Variants in FAT3 observed in about 807,000 individuals in gnomAD.
The protein encoded by FAT3 is FAT atypical cadherin 3, also known as protocadherin Fat 3.
A neutral mutation model predicts 310.2 loss-of-function variants in FAT3; 95 were observed. That is an observed-to-expected ratio of 0.31 (90% CI 0.26 to 0.36). The LOEUF (loss-of-function observed/expected upper bound fraction) is 0.36. FAT3 is among the 10% of genes least tolerant of loss of function. The pLI, the probability that FAT3 is intolerant of heterozygous loss-of-function variation, is 1.00. For missense variants in FAT3, 5,408 were observed against 5,715.6 expected (o/e 0.95, Z 1.74); for synonymous variants, 2,314 against 2,192.9 (o/e 1.06, Z -1.54).
rs1268723647 is a variant in FAT3, at chr11:92,764,819, C to G, written c.3985-60C>G. The G allele has an allele frequency of 2.6e-6, 4 of 1,513,208 alleles. No homozygotes were observed. In the East Asian group the frequency reaches 6.9e-5, roughly 26 times the overall value. 93.7% of individuals were successfully genotyped at this position (1,513,208 alleles called of 1,614,324 possible). A position where few individuals can be genotyped will look rare whatever the true frequency, so the allele number is the denominator to read the frequency against. Reference sequence around the variant, plus strand: ...TGGCCCAGCAACATGAGTGACAGATCCAAACTCTACAACAATCAGAGGTCT... The same window carrying G: ...TGGCCCAGCAACATGAGTGACAGATGCAAACTCTACAACAATCAGAGGTCT... On this transcript the variant is annotated intron_variant, in intron 5 of 27. Coordinates refer to ENST00000525166, the MANE Select transcript of FAT3 (RefSeq NM_001367949.2).
chr11:92,798,948 G>A lies in FAT3; in HGVS notation c.5935G>A (p.Gly1979Ser), dbSNP rs778886701. The A allele has an allele frequency of 1.2e-4, 194 of 1,613,750 alleles. No individual in the cohort carries two copies. The highest frequency in any genetic ancestry group is 2.5e-4 in the South Asian group (23 of 91,078). The stretch of plus-strand genomic sequence containing the variant: ...CATGGTTAAAGAAGCCATGGACAGC[G>A]GCCTCCACTTTACACAAAGCTTCTA... ...TIMVKEAMDS[G>S]LHFTQSFYST... The change falls in exon 10 of 28, where the codon GGC (glycine) becomes AGC (serine). Residue 1979 changes from glycine to serine, a missense_variant. Physicochemically the swap from Gly to Ser is moderately conservative, Grantham distance 56 (BLOSUM62 0). Transcript: ENST00000525166.
intron 6 of FAT3, among the ~76,000 whole-genome samples, chr11:92,768,984 C>T (rs1946390986): frequency 6.6e-6 from 1 of 152,186 alleles, no homozygotes; most frequent in Non-Finnish European, 1.5e-5. Context: ...AGTGTTTCAG[C>T]ATGCTTTTCC....
intron 1 of FAT3, among the ~76,000 whole-genome samples, chr11:92,263,337 C>T (rs895021236): frequency 2.0e-5 from 3 of 152,012 alleles, no homozygotes; most frequent in African/African-American, 7.2e-5. Flanking sequence ...CACACACACA[C>T]ACCACACACA....
chr11:92,300,885 A>G (rs1946982529), intron 1 of FAT3, among the ~76,000 whole-genome samples: 1 of 152,108 alleles, frequency 6.6e-6, no homozygotes, highest in African/African-American at 2.4e-5. Context: ...GAGCTCTTCA[A>G]AGTTTTTCAT....
intron 4 of FAT3, among the ~76,000 whole-genome samples, chr11:92,735,591 T>C (rs1042607839): frequency 3.4e-5 from 5 of 148,456 alleles, no homozygotes; most frequent in African/African-American, 1.2e-4. Context: ...GATAGATAGA[T>C]AGATAGATAG....
At chr11:92,605,809 C>A (rs1294954973) in intron 3 of FAT3, among the ~76,000 whole-genome samples, 1 of 134,946 alleles carries the variant, frequency 7.4e-6, no homozygotes, top group Admixed American at 8.4e-5. Flanking sequence ...AGAGACTGGT[C>A]TGCTGCCAAA....
chr11:92,611,313 G>A (rs534251883), intron 3 of FAT3, among the ~76,000 whole-genome samples: 10 of 152,140 alleles, frequency 6.6e-5, no homozygotes, highest in South Asian at 2.1e-4. Flanking sequence ...ACAGGGTCTC[G>A]TGATGTCACC....
Position 92,640,762 on chromosome 11 carries a change from G to A in FAT3, c.3608-56622G>A, listed in dbSNP as rs1336787873. Among the ~76,000 whole-genome samples, 3 of 152,218 alleles carry A rather than the reference G, an allele frequency of 2.0e-5. No homozygotes were observed. In the East Asian group the frequency reaches 5.8e-4, roughly 29 times the overall value. On this transcript the variant is annotated intron_variant, in intron 3 of 27. Coordinates refer to ENST00000525166, the MANE Select transcript of FAT3 (RefSeq NM_001367949.2). The stretch of plus-strand genomic sequence containing the variant: ...TTTGAGTAAAAGGTAGCCCTGTATT[G>A]TTTTCTTTCTCAATTCCCATTTTAT...
At chr11:92,507,071 A>G (rs1317701984) in intron 2 of FAT3, among the ~76,000 whole-genome samples, 1 of 152,164 alleles carries the variant, frequency 6.6e-6, no homozygotes, top group Non-Finnish European at 1.5e-5. Flanking sequence ...TTTCTTGTCA[A>G]AGCTGGTCTA....
intron 2 of FAT3, among the ~76,000 whole-genome samples, chr11:92,441,811 G>T (rs897753553): frequency 6.6e-6 from 1 of 151,888 alleles, no homozygotes. Context: ...CTAGATTCAG[G>T]CACTACAGGG....
At chr11:92,289,051 G>A (rs1481414002) in intron 1 of FAT3, among the ~76,000 whole-genome samples, 1 of 152,094 alleles carries the variant, frequency 6.6e-6, no homozygotes, top group Non-Finnish European at 1.5e-5. Context: ...TTGGCTGGGG[G>A]TCAGAGGACT....
rs973898117 is a variant in FAT3, at chr11:92,314,373, G to A, written c.-17-37723G>A. ...TTACATTTGTAAAAAAACATATGAA[G>A]CCCCTCATTGCATGAAACAAGGAAA... On this transcript the variant is annotated intron_variant, in intron 1 of 27. Transcript: ENST00000525166. The A allele has an allele frequency of 5.4e-6, 4 of 734,042 alleles. No individual in the cohort carries two copies. In the African/African-American group the frequency reaches 7.7e-5, roughly 14 times the overall value. 45.5% of individuals were successfully genotyped at this position (734,042 alleles called of 1,614,324 possible). A position where few individuals can be genotyped will look rare whatever the true frequency, so the allele number is the denominator to read the frequency against.
At chr11:92,528,845 A>G (rs1180395636) in intron 3 of FAT3, among the ~76,000 whole-genome samples, 1 of 152,232 alleles carries the variant, frequency 6.6e-6, no homozygotes, top group Non-Finnish European at 1.5e-5. Context: ...AGTGTTTAGT[A>G]GAGAACTCAA....
intron 1 of FAT3, among the ~76,000 whole-genome samples, chr11:92,274,752 A>AT (rs766723492): frequency 5.9e-5 from 9 of 152,026 alleles, no homozygotes; most frequent in Non-Finnish European, 1.2e-4. Context: ...TAATAGTCTC[A>AT]TTTTACCTTT....
In FAT3 at chr11:92,867,149, G is replaced by A. The variant is rs762569224; in HGVS notation, c.12067G>A (p.Asp4023Asn). The change falls in exon 22 of 28, where the codon GAC becomes AAC. Residue 4023 changes from aspartate to asparagine, a missense_variant. Asp to Asn is a conservative substitution (Grantham distance 23). This residue lies in a region of FAT3 where 4,588 missense variants were observed against 4,809.8 expected (regional missense o/e 0.95). Transcript: ENST00000525166. ...ELKLGCVLYP[D>N]ACKRSPCQHG... ...GAAGCTGGGCTGCGTGCTCTATCCC[G>A]ACGCCTGCAAGCGCAGCCCGTGCCA... The A allele has an allele frequency of 2.5e-6, 4 of 1,600,454 alleles. No homozygotes were observed. Among genetic ancestry groups the A allele is most frequent in the Non-Finnish European group, 3.4e-6 (4 of 1,175,076 alleles).
intron 1 of FAT3, among the ~76,000 whole-genome samples, chr11:92,342,661 C>T (rs1948294518): frequency 6.6e-6 from 1 of 152,130 alleles, no homozygotes; most frequent in Non-Finnish European, 1.5e-5. Flanking sequence ...GATTTGGCCC[C>T]TTTTCTCTTC....
chr11:92,619,072 CT>C (rs1274790101), intron 3 of FAT3, among the ~76,000 whole-genome samples: 1 of 152,078 alleles, frequency 6.6e-6, no homozygotes, highest in Non-Finnish European at 1.5e-5. Context: ...TTTCATCAAA[CT>C]TTTTCTGAGT....
intron 13 of FAT3, among the ~76,000 whole-genome samples, chr11:92,822,658 A>G (rs1232308778): frequency 2.0e-5 from 3 of 152,118 alleles, no homozygotes; most frequent in Admixed American, 6.5e-5. Flanking sequence ...CCACCCACGC[A>G]TCCTCTCCAC....
intron 3 of FAT3, among the ~76,000 whole-genome samples, chr11:92,669,674 G>A (rs1344130597): frequency 6.6e-6 from 1 of 152,148 alleles, no homozygotes; most frequent in African/African-American, 2.4e-5. Context: ...CCAGAGGTGG[G>A]GTGGTAATTA....
Sources: allele counts gnomAD v4.1 joint callset (sites outside exome capture counted in the v4.1 genomes callset), GRCh38; gene constraint gnomAD v4.1.1; regional missense constraint gnomAD v4.1.1; transcripts MANE v1.5; gene names NCBI Gene and HGNC (gene_info 2026-07-23, HGNC 2026-07-21).